The following OBI1 variants were observed in gnomAD, a reference collection of about 807,000 sequenced individuals.
OBI1 encodes the protein ORC ubiquitin ligase 1.
OBI1 carries 59 observed loss-of-function variants against 62.4 expected under a neutral mutation model. The observed-to-expected ratio is 0.95, with a 90% CI of 0.77 to 1.17. The LOEUF (loss-of-function observed/expected upper bound fraction) is 1.17, where lower values mean the gene tolerates loss of function less well. Among genes scored for constraint, OBI1 ranks in the 50% most tolerant of loss-of-function variants. The pLI is 0.00. For synonymous variants in OBI1, 302 were observed against 292.8 expected (o/e 1.03, Z -0.32); for missense variants, 875 against 830.9 (o/e 1.05, Z -0.65).
chr13:78,649,638 G>T (rs112140752), intron 1 of OBI1, among the ~76,000 whole-genome samples: 2 of 152,178 alleles, frequency 1.3e-5, no homozygotes, highest in African/African-American at 4.8e-5. Context: ...ATACCAATGG[G>T]AATGATAAAG....
At chr13:78,651,273 G>A (rs1442466189) in intron 1 of OBI1, among the ~76,000 whole-genome samples, 1 of 152,020 alleles carries the variant, frequency 6.6e-6, no homozygotes, top group Non-Finnish European at 1.5e-5. Flanking sequence ...GCTTCCAAAT[G>A]TTCATTTCAG....
At chr13:78,638,737 T>C in intron 4 of OBI1, 86 bp downstream of exon 4, 5 of 1,184,560 alleles carry the variant, frequency 4.2e-6, no homozygotes, top group Non-Finnish European at 4.7e-6. Context: ...CATCTGATGA[T>C]GAGTCAAGAT....
intron 1 of OBI1, among the ~76,000 whole-genome samples, chr13:78,655,100 C>T (rs1273660291): frequency 6.6e-6 from 1 of 152,198 alleles, no homozygotes; most frequent in Non-Finnish European, 1.5e-5. Flanking sequence ...ATAAAACCAA[C>T]TGCGGGCCAC....
At chr13:78,640,926 T>C (rs1876196292) in intron 3 of OBI1, among the ~76,000 whole-genome samples, 1 of 152,262 alleles carries the variant, frequency 6.6e-6, no homozygotes. Context: ...GTAGTTAATT[T>C]TGAATTTTCA....
At position 78,616,353 on chromosome 13, in the gene OBI1, AAC is replaced by A; in HGVS notation, c.1406_1407del (p.Cys469LeufsTer12). On this transcript the variant is annotated frameshift_variant, in exon 6 of 6. Coordinates refer to ENST00000282003, the MANE Select transcript of OBI1 (RefSeq NM_024546.4). LOFTEE classifies it high-confidence loss of function. Reference protein sequence around the residue: ...FSSPKTGFWDCCSTSYAQNLD... With the variant: ...FSSPKTGFWDXCSTSYAQNLD... ...AAGTTTTGGGCATAGCTTGTGGAAC[AAC>A]AGTCCCAAAATCCTGTCTTTGGGGA... The A allele has an allele frequency of 6.2e-7, 1 of 1,614,024 alleles. No individual in the cohort carries two copies. Among genetic ancestry groups the A allele is most frequent in the Middle Eastern group, 1.6e-4 (1 of 6,062 alleles).
At chr13:78,627,180 T>C (rs983144817) in intron 5 of OBI1, among the ~76,000 whole-genome samples, 5 of 152,020 alleles carry the variant, frequency 3.3e-5, no homozygotes, top group African/African-American at 1.2e-4. Context: ...ATAGAGAACA[T>C]ACTAAAGTAC....
At chr13:78,646,901 G>T (rs767147190) in intron 1 of OBI1, among the ~76,000 whole-genome samples, 8 of 152,202 alleles carry the variant, frequency 5.3e-5, no homozygotes, top group Admixed American at 3.3e-4. Flanking sequence ...CAATTGCTTT[G>T]CCCTGAGCTG....
intron 5 of OBI1, among the ~76,000 whole-genome samples, chr13:78,621,413 AGTCACTGTGCATTT>A (rs1453204571): frequency 4.6e-5 from 7 of 152,230 alleles, no homozygotes. Context: ...GTCAGTGATT[AGTCACTGTGCATTT>A]ACCTGTTTTT....
At chr13:78,630,901 A>G (rs1252950786) in intron 5 of OBI1, among the ~76,000 whole-genome samples, 1 of 152,172 alleles carries the variant, frequency 6.6e-6, no homozygotes, top group Non-Finnish European at 1.5e-5. Context: ...ATTAAGAGTG[A>G]TTCCTTGCTA....
chr13:78,626,969 G>A (rs939986279), intron 5 of OBI1, among the ~76,000 whole-genome samples: 1 of 152,184 alleles, frequency 6.6e-6, no homozygotes, highest in Non-Finnish European at 1.5e-5. Flanking sequence ...AGGAGGCTGA[G>A]GCAGGAGAAT....
At chr13:78,639,494 A>G (rs1209050915) in intron 3 of OBI1, among the ~76,000 whole-genome samples, 1 of 151,736 alleles carries the variant, frequency 6.6e-6, no homozygotes, top group Non-Finnish European at 1.5e-5. Flanking sequence ...ATTACTGGGT[A>G]TATACCCAAA....
At chr13:78,644,250 T>A (rs1456394041) in intron 2 of OBI1, among the ~76,000 whole-genome samples, 1 of 152,194 alleles carries the variant, frequency 6.6e-6, no homozygotes, top group Non-Finnish European at 1.5e-5. Context: ...CTCAAAACCA[T>A]CATGCCCAAT....
At chr13:78,628,238 G>A (rs78703360) in intron 5 of OBI1, among the ~76,000 whole-genome samples, 1,542 of 152,290 alleles carry the variant, frequency 0.01, 26 homozygotes, top group African/African-American at 0.034. Context: ...GATACAGAAA[G>A]GTTAAATATC....
chr13:78,657,862 A>C (rs541071664), intron 1 of OBI1, among the ~76,000 whole-genome samples: 1 of 152,190 alleles, frequency 6.6e-6, no homozygotes, highest in Non-Finnish European at 1.5e-5. Context: ...TGCAGGCAGT[A>C]AGTAATAGCT....
chr13:78,635,297 T>C, intron 4 of OBI1, 99 bp from the exon 5 acceptor site: 2 of 699,710 alleles, frequency 2.9e-6, no homozygotes, highest in Non-Finnish European at 4.9e-6. Flanking sequence ...AGTGATAATA[T>C]CAGAAAACTG....
At chr13:78,639,720 T>C (rs1167042240) in intron 3 of OBI1, among the ~76,000 whole-genome samples, 1 of 149,418 alleles carries the variant, frequency 6.7e-6, no homozygotes, top group African/African-American at 2.5e-5. Flanking sequence ...GAAATCAACA[T>C]TCTCAGTAAA....
rs142063550 is a variant in OBI1 at position 78,630,397 on chromosome 13, T to C, written c.638+4713A>G. On this transcript the variant is annotated intron_variant, in intron 5 of 5. Coordinates refer to ENST00000282003, the MANE Select transcript of OBI1 (RefSeq NM_024546.4). Reference sequence around the variant, plus strand: ...CTTATTTCCTTTGTATTATATCCTTTGCCTTTTGCCAAAGTATTCTATAGT... The same window carrying C: ...CTTATTTCCTTTGTATTATATCCTTCGCCTTTTGCCAAAGTATTCTATAGT... Among the ~76,000 whole-genome samples the C allele has an allele frequency of 2.6e-5, 4 of 152,290 alleles. No homozygotes were observed. In the East Asian group the frequency reaches 7.8e-4, roughly 30 times the overall value.
At chr13:78,641,850 GA>G (rs1876225803) in intron 3 of OBI1, among the ~76,000 whole-genome samples, 1 of 136,678 alleles carries the variant, frequency 7.3e-6, no homozygotes, top group Admixed American at 7.2e-5. Flanking sequence ...AAAAAAAAAA[GA>G]AAGAAATGCT....
rs761957060 is a variant in OBI1, at chr13:78,659,066, G to A, written c.55C>T (p.His19Tyr). Reference protein sequence around the residue: ...TLSLTLPITCHICLGKVRQPV... With the variant: ...TLSLTLPITCYICLGKVRQPV... ...CCCATTACCTTCCCCAAGCAAATGT[G>A]GCACGTGATGGGCAGAGTGAGCGAC... The change falls in exon 1 of 6, where the codon CAC becomes TAC. Residue 19 changes from histidine (H) to tyrosine (Y), a missense_variant. Transcript: ENST00000282003. 1.2e-6 allele frequency: 2 copies of A among 1,612,876 alleles called. No individual in the cohort carries two copies. Among genetic ancestry groups the A allele is most frequent in the Non-Finnish European group, 1.7e-6 (2 of 1,179,662 alleles).
Sources: allele counts gnomAD v4.1 joint callset (sites outside exome capture counted in the v4.1 genomes callset), GRCh38; gene constraint gnomAD v4.1.1; transcripts MANE v1.5; gene names NCBI Gene and HGNC (gene_info 2026-07-23, HGNC 2026-07-21).